The following CAND2 variants were observed in gnomAD, a reference collection of about 807,000 sequenced individuals.
CAND2 encodes cullin associated and neddylation dissociated 2 (putative).
Under a neutral mutation model 98.9 loss-of-function variants are expected in CAND2, and 62 were observed. That is an observed-to-expected ratio of 0.63 (90% confidence interval 0.51 to 0.77). CAND2 has a LOEUF of 0.77. Among genes scored for constraint, CAND2 ranks in the 30% least tolerant of loss-of-function variants. The probability of loss-of-function intolerance (pLI) is 0.00; values close to 1 mark genes in which losing one functional copy is unlikely to be tolerated. For synonymous variants in CAND2, 770 were observed against 731.9 expected, an observed-to-expected ratio of 1.05 and a Z score of -0.84; for missense variants, 1,501 against 1,655.2, an observed-to-expected ratio of 0.91 and a Z score of 1.62.
intron 11 of CAND2, among the ~76,000 whole-genome samples, chr3:12,820,961 C>T (rs992462338): frequency 2.6e-5 from 4 of 152,178 alleles, no homozygotes; most frequent in East Asian, 1.9e-4. Context: ...GGGCCAGGTG[C>T]GGTGGCTCTC....
chr3:12,810,811 T>G (rs1049050340), intron 5 of CAND2, among the ~76,000 whole-genome samples: 2 of 152,230 alleles, frequency 1.3e-5, no homozygotes, highest in African/African-American at 4.8e-5. Context: ...TAAACCGCAC[T>G]ATTTAAAGTG....
In CAND2 at chr3:12,803,638, G is replaced by T; in HGVS notation, c.212+7G>T. 1 of 1,593,650 alleles carries T rather than the reference G, an allele frequency of 6.3e-7. No homozygotes were observed. Among genetic ancestry groups the T allele is most frequent in the Non-Finnish European group, 8.6e-7 (1 of 1,168,742 alleles). ...AGAACCTGGCTGTCAAGTGGTGAGTGTCAGCCTCGGTGGAGCAGGAGAGGG... is the reference window on the plus strand; with the variant it reads ...AGAACCTGGCTGTCAAGTGGTGAGTTTCAGCCTCGGTGGAGCAGGAGAGGG... On this transcript the variant is annotated splice_region_variant and intron_variant, in intron 2 of 14. Transcript: ENST00000456430.
chr3:12,832,394 A>G (rs2062061240), intron 14 of CAND2: 1 of 152,218 alleles, frequency 6.6e-6, no homozygotes, highest in African/African-American at 2.4e-5. Flanking sequence ...GGCACCAAGA[A>G]AAGTCCCAGT....
intron 11 of CAND2, 86 bp downstream of exon 11, chr3:12,820,267 C>A: frequency 9.8e-7 from 1 of 1,019,282 alleles, no homozygotes; most frequent in Non-Finnish European, 1.5e-6. Flanking sequence ...ACCCAATAGC[C>A]AAGGGCAATG....
At chr3:12,803,674 T>G (rs2124836228) in intron 2 of CAND2, 43 bp downstream of exon 2, 2 of 1,527,276 alleles carry the variant, frequency 1.3e-6, no homozygotes, top group Non-Finnish European at 8.8e-7. Flanking sequence ...GGCCCTACCT[T>G]GTGTGGGAGC....
At chr3:12,803,150 T>C (rs2061778847) in intron 1 of CAND2, among the ~76,000 whole-genome samples, 3 of 152,028 alleles carry the variant, frequency 2.0e-5, no homozygotes, top group Admixed American at 6.6e-5. Context: ...CCACCACACC[T>C]GGCTAATTTT....
At chr3:12,797,761 G>C (rs1219981674) in intron 1 of CAND2, among the ~76,000 whole-genome samples, 5 of 101,208 alleles carry the variant, frequency 4.9e-5, no homozygotes, top group Non-Finnish European at 9.6e-5. Context: ...CATGAAGGGC[G>C]TAGGTTCAGT....
At chr3:12,812,560 G>A (rs535878564) in intron 5 of CAND2, among the ~76,000 whole-genome samples, 267 of 151,692 alleles carry the variant, frequency 1.8e-3, no homozygotes, top group African/African-American at 6.1e-3. Flanking sequence ...GCCCGCCACC[G>A]CGCCCGGCTA....
chr3:12,819,725 T>C (rs1460042059), intron 10 of CAND2, among the ~76,000 whole-genome samples: 1 of 152,210 alleles, frequency 6.6e-6, no homozygotes, highest in East Asian at 1.9e-4. Context: ...GTTCTTTTAA[T>C]ACTACTTTAT....
intron 5 of CAND2, 150 bp from the exon 6 acceptor site, chr3:12,812,840 G>GCCCAA (rs2061864128): frequency 1.6e-6 from 1 of 617,472 alleles, no homozygotes; most frequent in Admixed American, 2.7e-5. Flanking sequence ...CAGAGTCAGG[G>GCCCAA]CTAGAACCCA....
chr3:12,824,355 C>A (rs977909375), intron 11 of CAND2, among the ~76,000 whole-genome samples: 1 of 152,150 alleles, frequency 6.6e-6, no homozygotes, highest in Non-Finnish European at 1.5e-5. Context: ...GTTGTGGAGA[C>A]TGGGAGGTCC....
chr3:12,812,754 T>C (rs1157002607), intron 5 of CAND2, among the ~76,000 whole-genome samples: 2 of 152,326 alleles, frequency 1.3e-5, no homozygotes, highest in African/African-American at 2.4e-5. Context: ...GGCACTGTTA[T>C]CCTTGTTGTG....
chr3:12,816,491 C>G lies in CAND2; in HGVS notation c.1559C>G (p.Pro520Arg), dbSNP rs757654589. ...GCTGAGGCCTTCCACCCACACTTGCCTATCCTCCTGCCACCTGTGATGGCC... is the reference window on the plus strand; with the variant it reads ...GCTGAGGCCTTCCACCCACACTTGCGTATCCTCCTGCCACCTGTGATGGCC... ...EPAEAFHPHL[P>R]ILLPPVMACV... Residue 520 changes from proline to arginine, a missense_variant, in exon 10 of 15, where the codon CCT (proline) becomes CGT (arginine). Coordinates refer to ENST00000456430, the MANE Select transcript of CAND2 (RefSeq NM_001162499.2). 2 of 1,614,084 alleles carry G rather than the reference C, an allele frequency of 1.2e-6. No individual in the cohort carries two copies. Among genetic ancestry groups the G allele is most frequent in the Admixed American group, 3.3e-5 (2 of 60,032 alleles).
intron 11 of CAND2, 22 bp from the exon 12 acceptor site, chr3:12,825,448 G>GC: frequency 6.5e-7 from 1 of 1,543,766 alleles, no homozygotes; most frequent in Non-Finnish European, 8.8e-7. Flanking sequence ...CATCCCCCAC[G>GC]CCCCTCATGT....
At chr3:12,820,501 A>T (rs2061948894) in intron 11 of CAND2, among the ~76,000 whole-genome samples, 1 of 152,246 alleles carries the variant, frequency 6.6e-6, no homozygotes, top group Admixed American at 6.5e-5. Flanking sequence ...CAACTGAGGG[A>T]GAAGATGCTT....
chr3:12,815,436 G>A lies in CAND2; in HGVS notation c.1299+3G>A. On this transcript the variant is annotated splice_donor_region_variant and intron_variant, in intron 8 of 14. Transcript: ENST00000456430. This position sits in a 1 kb window ranked among gnomAD's most constrained non-coding sequence, Gnocchi z 5.7. ...ACCTCCATATGCTACGTGGACAGGT[G>A]GGCGTGCCTTCACCTCCACCCCTAC... The A allele has an allele frequency of 6.2e-7, 1 of 1,603,628 alleles. No homozygotes were observed. The highest frequency in any genetic ancestry group is 2.2e-5 in the East Asian group (1 of 44,602).
At position 12,817,561 on chromosome 3, in the gene CAND2, G is replaced by T. The variant is rs2061919109; in HGVS notation, c.2629G>T (p.Val877Leu). Residue 877 changes from valine to leucine, a missense_variant, in exon 10 of 15, where the codon GTG becomes TTG. Around this residue, in one of 3 missense-constraint regions of CAND2, gnomAD observed 1,427 missense variants for 1,545.3 expected, o/e 0.92. Transcript: ENST00000456430. ...AGCTTTGGGGTCACCCAGTGAGGATGTGAGGGCTGCAGCCTCGTATGCACT... is the reference window on the plus strand; with the variant it reads ...AGCTTTGGGGTCACCCAGTGAGGATTTGAGGGCTGCAGCCTCGTATGCACT... The part of the protein sequence containing the change: ...LEALGSPSED[V>L]RAAASYALGR... 4.3e-6 allele frequency: 7 copies of T among 1,613,918 alleles called. No individual in the cohort carries two copies. Among genetic ancestry groups the T allele is most frequent in the Non-Finnish European group, 5.9e-6 (7 of 1,180,022 alleles).
At chr3:12,820,056 C>T in intron 10 of CAND2, 30 bp from the exon 11 acceptor site, 1 of 1,593,730 alleles carries the variant, frequency 6.3e-7, no homozygotes, top group Non-Finnish European at 8.6e-7. Context: ...GCCCCTGCCC[C>T]TCACTAACTC....
At position 12,817,598 on chromosome 3, in the gene CAND2, G is replaced by C. The variant is rs2061919558; in HGVS notation, c.2666G>C (p.Gly889Ala). The C allele has an allele frequency of 1.9e-6, 3 of 1,613,734 alleles. No homozygotes were observed. Among genetic ancestry groups the C allele is most frequent in the Non-Finnish European group, 2.5e-6 (3 of 1,180,016 alleles). ...GCCTCGTATGCACTGGGCCGTGTGG[G>C]TGCTGGCAGCCTGCCCGACTTCCTG... ...AAASYALGRV[G>A]AGSLPDFLPF... Residue 889 changes from glycine to alanine, a missense_variant, in exon 10 of 15, where the codon GGT becomes GCT. Physicochemically the swap from Gly to Ala is moderately conservative, Grantham distance 60. This residue lies in a region of CAND2 where 1,427 missense variants were observed against 1,545.3 expected (regional missense o/e 0.92). Transcript: ENST00000456430.
Sources: allele counts gnomAD v4.1 joint callset (sites outside exome capture counted in the v4.1 genomes callset), GRCh38; gene constraint gnomAD v4.1.1; regional missense constraint gnomAD v4.1.1; non-coding constraint Gnocchi (gnomAD v3.1); transcripts MANE v1.5; gene names NCBI Gene and HGNC (gene_info 2026-07-23, HGNC 2026-07-21).